Variants in AFF1 observed in about 807,000 individuals in gnomAD.
AFF1 encodes the protein AF4/FMR2 family member 1.
AFF1 carries 48 observed loss-of-function variants against 121.7 expected under a neutral mutation model. The observed-to-expected ratio is 0.39, with a 90% CI of 0.31 to 0.50. AFF1 has a LOEUF of 0.50. Among genes scored for constraint, AFF1 ranks in the 20% least tolerant of loss-of-function variants. AFF1 has a pLI of 0.76. For synonymous variants in AFF1, 613 were observed against 563.0 expected (o/e 1.09, Z -1.26); for missense variants, 1,523 against 1,511.7 (o/e 1.01, Z -0.12).
Position 87,132,426 on chromosome 4 carries a change from A to G in AFF1, c.3311+18A>G, listed in dbSNP as rs1728917911. 4 of 1,580,520 alleles carry G rather than the reference A, an allele frequency of 2.5e-6. No homozygotes were observed. The highest frequency in any genetic ancestry group is 1.2e-5 in the South Asian group (1 of 84,124). On this transcript the variant is annotated intron_variant, in intron 19 of 20. Transcript: ENST00000395146. Reference sequence around the variant, plus strand: ...ATTGCAAGGTAACTCTAAGTCTAATATAAATAATTTCCAGAATTGAGTCAT... The same window carrying G: ...ATTGCAAGGTAACTCTAAGTCTAATGTAAATAATTTCCAGAATTGAGTCAT...
At chr4:87,091,536 A>T (rs1341311961) in intron 6 of AFF1, among the ~76,000 whole-genome samples, 1 of 152,258 alleles carries the variant, frequency 6.6e-6, no homozygotes, top group African/African-American at 2.4e-5. Context: ...AGAAGCAATG[A>T]AAGCTAAAAT....
In AFF1 at chr4:87,101,175, C is replaced by T. The variant is rs74730662; in HGVS notation, c.1284-4453C>T. On this transcript the variant is annotated intron_variant, in intron 8 of 20. Coordinates refer to ENST00000395146, the MANE Select transcript of AFF1 (RefSeq NM_001166693.3). ...CCTTTTCACTTTTTCATCTCTTCTT[C>T]GTTTAGCCTGCTTCGTAATTTGTAA... Among the ~76,000 whole-genome samples the T allele has an allele frequency of 1.5e-3, 227 of 152,284 alleles. 6 individuals are homozygous for T. In the East Asian group the frequency reaches 0.033, roughly 22 times the overall value.
chr4:86,989,357 A>AG (rs1364042488), intron 2 of AFF1, among the ~76,000 whole-genome samples: 1 of 152,226 alleles, frequency 6.6e-6, no homozygotes, highest in Non-Finnish European at 1.5e-5. Context: ...CACCATCCAA[A>AG]GGTGGGTGAA....
intron 4 of AFF1, among the ~76,000 whole-genome samples, chr4:87,070,238 G>T (rs1401335551): frequency 6.6e-6 from 1 of 152,238 alleles, no homozygotes; most frequent in African/African-American, 2.4e-5. Flanking sequence ...TCCTGACCTT[G>T]TGATCCACCT....
intron 2 of AFF1, among the ~76,000 whole-genome samples, chr4:86,958,065 A>G (rs1466502547): frequency 6.9e-6 from 1 of 145,434 alleles, no homozygotes; most frequent in Non-Finnish European, 1.5e-5. Flanking sequence ...TACCTAGTCT[A>G]TCTCTGAACT....
chr4:87,130,447 G>GT (rs1157045622), intron 16 of AFF1, among the ~76,000 whole-genome samples: 3 of 152,194 alleles, frequency 2.0e-5, no homozygotes, highest in African/African-American at 7.2e-5. Context: ...AGCGTGCTGT[G>GT]TGACAAAGTG....
At chr4:86,936,087 A>AGCACCCGCAAATTG (rs1719968010) in intron 1 of AFF1, 1 of 152,118 alleles carries the variant, frequency 6.6e-6, no homozygotes, top group Non-Finnish European at 1.5e-5. Context: ...CTCCACCACC[A>AGCACCCGCAAATTG]GCACCCGCAA....
At chr4:87,121,621 A>G (rs924069020) in intron 12 of AFF1, among the ~76,000 whole-genome samples, 2 of 152,250 alleles carry the variant, frequency 1.3e-5, no homozygotes, top group African/African-American at 2.4e-5. Context: ...CTTGATCTCA[A>G]CAGTTAAGCA....
intron 2 of AFF1, among the ~76,000 whole-genome samples, chr4:86,997,630 C>T (rs184553863): frequency 8.3e-4 from 126 of 151,740 alleles, no homozygotes; most frequent in African/African-American, 2.9e-3. Context: ...AGTGTGGTGA[C>T]GGGCGCCTGT....
At position 87,137,853 on chromosome 4, in the gene AFF1, A is replaced by G; in HGVS notation, c.*2152A>G. 1 of 231,686 alleles carries G rather than the reference A, an allele frequency of 4.3e-6. No homozygotes were observed. The allele number at this position is 231,686 out of a possible 1,614,324, so 14.4% of individuals were successfully genotyped here. A position where few individuals can be genotyped will look rare whatever the true frequency, so the allele number is the denominator to read the frequency against. ...GTCCTATCATTCCCTAGAACAAGCC[A>G]CCTGTCAATTGTGAAGGGTTGTGTT... On this transcript the variant is annotated 3_prime_UTR_variant, in exon 21 of 21. Transcript: ENST00000395146.
intron 2 of AFF1, among the ~76,000 whole-genome samples, chr4:87,043,338 A>G (rs763351627): frequency 1.2e-4 from 19 of 152,332 alleles, no homozygotes; most frequent in Non-Finnish European, 2.4e-4. Context: ...TGCAAGGTGC[A>G]TGCACTGGAT....
At chr4:87,024,957 A>G (rs753091857) in intron 2 of AFF1, among the ~76,000 whole-genome samples, 1 of 151,830 alleles carries the variant, frequency 6.6e-6, no homozygotes, top group Admixed American at 6.6e-5. Context: ...ACATTTTTCC[A>G]CCCCTTCATT....
At chr4:87,031,485 G>C (rs1053251509) in intron 2 of AFF1, among the ~76,000 whole-genome samples, 1 of 146,132 alleles carries the variant, frequency 6.8e-6, no homozygotes, top group Admixed American at 6.9e-5. Flanking sequence ...TGTGTATCTC[G>C]CTAAATTGTG....
At chr4:86,955,611 GAT>G (rs1721679730) in intron 2 of AFF1, among the ~76,000 whole-genome samples, 1 of 152,150 alleles carries the variant, frequency 6.6e-6, no homozygotes, top group Non-Finnish European at 1.5e-5. Context: ...GTAAAGTTGG[GAT>G]ATATTCTGGG....
At chr4:87,065,752 T>C (rs1721287370) in intron 4 of AFF1, among the ~76,000 whole-genome samples, 1 of 152,018 alleles carries the variant, frequency 6.6e-6, no homozygotes, top group Non-Finnish European at 1.5e-5. Flanking sequence ...ATGGCTTCCT[T>C]GTGCTTAAAG....
At chr4:86,947,794 AGTT>A (rs911134657) in intron 1 of AFF1, among the ~76,000 whole-genome samples, 20 of 144,528 alleles carry the variant, frequency 1.4e-4, no homozygotes, top group Non-Finnish European at 2.7e-4. Context: ...AATGCCCAAT[AGTT>A]GTTTTATTTC....
intron 4 of AFF1, among the ~76,000 whole-genome samples, chr4:87,083,690 A>G (rs1265167462): frequency 1.3e-5 from 2 of 152,316 alleles, no homozygotes; most frequent in East Asian, 1.9e-4. Flanking sequence ...CTGAGGGTCA[A>G]CAGTTAGTCT....
chr4:87,091,003 A>AC (rs1219525985), intron 6 of AFF1, among the ~76,000 whole-genome samples: 1 of 113,004 alleles, frequency 8.8e-6, no homozygotes, highest in Non-Finnish European at 1.7e-5. Context: ...CAACGGTGAG[A>AC]CCCCGTCTCT....
In AFF1 at chr4:87,127,038, G is replaced by A; in HGVS notation, c.2824G>A (p.Asp942Asn). ...TTTTTTTTTGAAGGGTTCTTCCGGA[G>A]ATACTGCAAATCCTTTTCCAGTGCC... The part of the protein sequence containing the change: ...SSSEHKGSSG[D>N]TANPFPVPSL... The change falls in exon 15 of 21, where the codon GAT becomes AAT. Residue 942 changes from aspartate (D) to asparagine (N), a missense_variant. Physicochemically the swap from Asp to Asn is conservative, Grantham distance 23. This residue lies in a region of AFF1 where 905 missense variants were observed against 842.5 expected (regional missense o/e 1.07). Transcript: ENST00000395146. 1.2e-6 allele frequency: 2 copies of A among 1,613,732 alleles called. No individual in the cohort carries two copies. The highest frequency in any genetic ancestry group is 1.7e-6 in the Non-Finnish European group (2 of 1,179,828).
Sources: allele counts gnomAD v4.1 joint callset (sites outside exome capture counted in the v4.1 genomes callset), GRCh38; gene constraint gnomAD v4.1.1; regional missense constraint gnomAD v4.1.1; transcripts MANE v1.5; gene names NCBI Gene and HGNC (gene_info 2026-07-23, HGNC 2026-07-21).